IGSF1: variants seen among roughly 807,000 people sequenced by gnomAD.
IGSF1 encodes immunoglobulin-like domain-containing protein 1.
IGSF1 carries 40 observed loss-of-function variants against 95.3 expected under a neutral mutation model. The ratio of observed to expected loss-of-function variants is 0.42; its 90% confidence interval spans 0.33 to 0.55. The LOEUF is 0.55. Ranked by LOEUF, IGSF1 falls within the 20% of genes least tolerant of loss-of-function variation. IGSF1 has a pLI of 0.10. For synonymous variants in IGSF1, 372 were observed against 382.9 expected, an observed-to-expected ratio of 0.97 and a Z score of 0.33; for missense variants, 906 against 1,025.4, an observed-to-expected ratio of 0.88 and a Z score of 1.59.
chrX:131,282,045 T>G (rs2080569929), intron 7 of IGSF1, 101 bp from the exon 8 acceptor site: 1 of 755,158 alleles, frequency 1.3e-6, no homozygotes, highest in Non-Finnish European at 1.9e-6. Flanking sequence ...TCTCTTCCTT[T>G]CCACTTCCAC....
At chrX:131,286,816 T>C in intron 1 of IGSF1, 75 bp from the exon 2 acceptor site, 1 of 445,345 alleles carries the variant, frequency 2.2e-6, no homozygotes, top group South Asian at 4.8e-5. Context: ...TAAATTGCAC[T>C]TGACAACCCT....
chrX:131,286,963 A>G (rs1351579574), intron 1 of IGSF1, among the ~76,000 whole-genome samples: 1 of 109,517 alleles, frequency 9.1e-6, no homozygotes, highest in Non-Finnish European at 1.9e-5. Flanking sequence ...TGAAATATGG[A>G]TTTGTCTCTG....
Position 131,283,153 on chromosome X carries a change from A to G in IGSF1, c.779T>C (p.Met260Thr). The change falls in exon 6 of 20, where the codon ATG becomes ACG. Residue 260 changes from methionine (M) to threonine (T), a missense_variant. Coordinates refer to ENST00000361420, the MANE Select transcript of IGSF1 (RefSeq NM_001555.5). ...GGACTTCTCCAAGTCTTCAACCCTC[A>G]TTAGAGCAAAGGTCATTCCATAGAT... ...GPIYGMTFAL[M>T]RVEDLEKSFY... The G allele has an allele frequency of 8.3e-7, 1 of 1,210,785 alleles. No homozygotes were observed.
At chrX:131,280,896 G>A (rs2080548906) in intron 9 of IGSF1, 1 of 187,083 alleles carries the variant, frequency 5.3e-6, no homozygotes, top group Admixed American at 6.9e-5. Flanking sequence ...TCCAGAACAA[G>A]TTAATGAGGG....
At chrX:131,288,691 G>T (rs1488685198) in intron 1 of IGSF1, among the ~76,000 whole-genome samples, 1 of 110,781 alleles carries the variant, frequency 9.0e-6, no homozygotes, top group East Asian at 2.8e-4. Flanking sequence ...TATACCGGGG[G>T]AACATGAGAA....
intron 1 of IGSF1, among the ~76,000 whole-genome samples, chrX:131,287,190 T>TAG (rs1273171002): frequency 0.029 from 2,849 of 99,957 alleles, 38 homozygotes; most frequent in Middle Eastern, 0.048. Flanking sequence ...TATATATATA[T>TAG]AGAGAGAGAG....
At position 131,278,776 on chromosome X, in the gene IGSF1, C is replaced by G; in HGVS notation, c.1751-25G>C. The G allele has an allele frequency of 6.8e-6, 8 of 1,183,907 alleles. No individual in the cohort carries two copies. The South Asian group carries it at 7.4e-5, about 11-fold the overall frequency. Reference sequence around the variant, plus strand: ...TCTAGAAACAGCAGAATTAATGAAGCCATCCTCCCGCCTCCCTTCCCCTCC... The same window carrying G: ...TCTAGAAACAGCAGAATTAATGAAGGCATCCTCCCGCCTCCCTTCCCCTCC... On this transcript the variant is annotated intron_variant, in intron 11 of 19. Coordinates refer to ENST00000361420, the MANE Select transcript of IGSF1 (RefSeq NM_001555.5).
chrX:131,276,166 C>A lies in IGSF1; in HGVS notation c.2691G>T (p.Gly897=). ...PGKSVILRCQ[G]TFQGMRFALL... is the part of the protein sequence containing the mutation. The stretch of plus-strand genomic sequence containing the variant: ...GGGCGAACCTCATGCCCTGGAAAGT[C>A]CCTTGGCAGCGCAGGATCACACTCT... Residue 897 remains glycine, a synonymous_variant, in exon 15 of 20, where the codon GGG becomes GGT. Transcript: ENST00000361420. The A allele has an allele frequency of 8.3e-7, 1 of 1,209,722 alleles. No individual in the cohort carries two copies. Among genetic ancestry groups the A allele is most frequent in the Non-Finnish European group, 1.1e-6 (1 of 894,313 alleles).
chrX:131,275,077 A>G lies in IGSF1; in HGVS notation c.3394T>C (p.Tyr1132His). Residue 1132 changes from tyrosine (Y) to histidine (H), a missense_variant, in exon 17 of 20, where the codon TAT becomes CAT. Transcript: ENST00000361420. ...GAGTCCAAATAATAAACACAGCTAT[A>G]GATCCCAGAGTCTTCACCTCTCACT... The part of the protein sequence containing the change: ...PAVRGEDSGI[Y>H]SCVYYLDSTP... 1 of 1,210,514 alleles carries G rather than the reference A, an allele frequency of 8.3e-7. No individual in the cohort carries two copies. Among genetic ancestry groups the G allele is most frequent in the Non-Finnish European group, 1.1e-6 (1 of 894,288 alleles).
chrX:131,274,674 A>G lies in IGSF1; in HGVS notation c.3676T>C (p.Cys1226Arg). The change falls in exon 18 of 20, where the codon TGC (cysteine) becomes CGC (arginine). Residue 1226 changes from cysteine to arginine, a missense_variant. Cys to Arg is a radical substitution (Grantham distance 180). Coordinates refer to ENST00000361420, the MANE Select transcript of IGSF1 (RefSeq NM_001555.5). The part of the protein sequence containing the change: ...VEGKGIGNYS[C>R]SYRLQAYPDI... ...GGGTAGGCCTGGAGGCGGTAGCTGCAGCTGTAGTTTCCAATGCCTTTTCCT... is the reference window on the plus strand; with the variant it reads ...GGGTAGGCCTGGAGGCGGTAGCTGCGGCTGTAGTTTCCAATGCCTTTTCCT... 8.3e-7 allele frequency: 1 copy of G among 1,211,443 alleles called. No homozygotes were observed.
At chrX:131,286,915 C>T (rs1041404391) in intron 1 of IGSF1, among the ~76,000 whole-genome samples, 174 bp from the exon 2 acceptor site, 8 of 110,697 alleles carry the variant, frequency 7.2e-5, no homozygotes, top group Non-Finnish European at 1.5e-4. Flanking sequence ...CCCTATCCTG[C>T]TCAAGGTCTT....
At chrX:131,281,482 G>A (rs1361562177) in intron 8 of IGSF1, 144 bp from the exon 9 acceptor site, 2 of 885,724 alleles carry the variant, frequency 2.3e-6, no homozygotes, top group African/African-American at 4.0e-5. Flanking sequence ...CATGGAGAAT[G>A]GGAGCCTTGA....
In IGSF1 at chrX:131,276,901, G is replaced by C. The variant is rs372427760; in HGVS notation, c.2608+38C>G. ...GACAGCCTTCCACCCACCATCCCAG[G>C]GTTGGCACCACCTCTACCTGGAGTC... On this transcript the variant is annotated intron_variant, in intron 14 of 19. Coordinates refer to ENST00000361420, the MANE Select transcript of IGSF1 (RefSeq NM_001555.5). 4 of 1,174,353 alleles carry C rather than the reference G, an allele frequency of 3.4e-6. No homozygotes were observed. In the African/African-American group the frequency reaches 7.1e-5, roughly 21 times the overall value.
rs1487672516 is a variant in IGSF1 at position 131,289,233 on chromosome X, C to CGATGTTG, written c.-94_-88dup. 2.7e-6 allele frequency: 1 copy of CGATGTTG among 373,135 alleles called. No individual in the cohort carries two copies. The highest frequency in any genetic ancestry group is 7.5e-5 in the East Asian group (1 of 13,303). The allele number at this position is 373,135 out of a possible 1,213,427, so 30.8% of individuals were successfully genotyped here. On this transcript the variant is annotated 5_prime_UTR_variant, in exon 1 of 20. An upstream open reading frame in the 5' UTR loses its in-frame stop. Coordinates refer to ENST00000361420, the MANE Select transcript of IGSF1 (RefSeq NM_001555.5). ...ACTTACGGTAGTTGAAGGCCCGCTC[C>CGATGTTG]GATGTTGGAGATTCTCCAGTGAGCT... is the stretch of plus-strand genomic sequence containing the variant.
chrX:131,276,331 C>A, intron 14 of IGSF1, 83 bp from the exon 15 acceptor site: 2 of 790,958 alleles, frequency 2.5e-6, no homozygotes, highest in Non-Finnish European at 3.6e-6. Context: ...TTGTAAGACA[C>A]AATATATGTT....
At chrX:131,284,140 C>T in intron 5 of IGSF1, 1 of 693,054 alleles carries the variant, frequency 1.4e-6, no homozygotes, top group Non-Finnish European at 1.7e-6. Flanking sequence ...TTCTTTGATC[C>T]TCAATAAAAA....
At chrX:131,287,555 C>T (rs2080661001) in intron 1 of IGSF1, among the ~76,000 whole-genome samples, 1 of 111,436 alleles carries the variant, frequency 9.0e-6, no homozygotes, top group South Asian at 3.8e-4. Context: ...AATCAAGCTG[C>T]TTGAGTTAAT....
At position 131,274,725 on chromosome X, in the gene IGSF1, C is replaced by T; in HGVS notation, c.3625G>A (p.Gly1209Arg). ...EEAPQQFSED[G>R]DFVINNVEGK... is the part of the protein sequence containing the mutation. ...TCTACGTTGTTGATGACAAAGTCTC[C>T]ATCCTCTGAAAACTGCTGAGGTGCT... Residue 1209 changes from glycine (G) to arginine (R), a missense_variant, in exon 18 of 20, where the codon GGA becomes AGA. Around this residue, in one of 5 missense-constraint regions of IGSF1, gnomAD observed 411 missense variants for 494.9 expected, o/e 0.83. Coordinates refer to ENST00000361420, the MANE Select transcript of IGSF1 (RefSeq NM_001555.5). The T allele has an allele frequency of 1.7e-6, 2 of 1,211,752 alleles. No individual in the cohort carries two copies. Among genetic ancestry groups the T allele is most frequent in the Non-Finnish European group, 2.2e-6 (2 of 895,372 alleles).
chrX:131,283,122 G>A lies in IGSF1; in HGVS notation c.810C>T (p.Tyr270=). ...MRVEDLEKSF[Y]HKKTIKNEAN... The stretch of plus-strand genomic sequence containing the variant: ...CCTCATTTTTTATTGTCTTCTTGTG[G>A]TAAAAGGACTTCTCCAAGTCTTCAA... Residue 270 remains tyrosine (Y), a synonymous_variant, in exon 6 of 20, where the codon TAC becomes TAT. Transcript: ENST00000361420. 1 of 1,211,078 alleles carries A rather than the reference G, an allele frequency of 8.3e-7. No homozygotes were observed. The highest frequency in any genetic ancestry group is 1.1e-6 in the Non-Finnish European group (1 of 894,864).
Sources: allele counts gnomAD v4.1 joint callset (sites outside exome capture counted in the v4.1 genomes callset), GRCh38; gene constraint gnomAD v4.1.1; regional missense constraint gnomAD v4.1.1; transcripts MANE v1.5; gene names NCBI Gene and HGNC (gene_info 2026-07-23, HGNC 2026-07-21).